PKHD1: variants seen among roughly 807,000 people sequenced by gnomAD.
The protein encoded by PKHD1 is fibrocystin.
A neutral mutation model predicts 412.0 loss-of-function variants in PKHD1; 291 were observed. That is an observed-to-expected ratio of 0.71 (90% confidence interval 0.64 to 0.78). PKHD1 has a LOEUF of 0.78. PKHD1 is among the 30% of genes least tolerant of loss of function. The pLI, the probability that PKHD1 is intolerant of heterozygous loss-of-function variation, is 0.00. For missense variants in PKHD1, 4,825 were observed against 4,950.7 expected (o/e 0.97, Z 0.76); for synonymous variants, 1,777 against 1,821.5 (o/e 0.98, Z 0.62).
chr6:52,072,394 T>C (rs1810753816), intron 7 of PKHD1, among the ~76,000 whole-genome samples: 1 of 152,174 alleles, frequency 6.6e-6, no homozygotes, highest in Non-Finnish European at 1.5e-5. Flanking sequence ...GCTTTCACAC[T>C]AAACAGAAAA....
At chr6:51,996,857 T>C (rs560559531) in intron 35 of PKHD1, among the ~76,000 whole-genome samples, 2 of 152,244 alleles carry the variant, frequency 1.3e-5, no homozygotes, top group Non-Finnish European at 2.9e-5. Context: ...ATGTCCATTC[T>C]CCAGCTTTCC....
intron 60 of PKHD1, among the ~76,000 whole-genome samples, chr6:51,672,590 A>T (rs1775186230): frequency 6.6e-6 from 1 of 152,180 alleles, no homozygotes; most frequent in Admixed American, 6.5e-5. Context: ...CTTTGGCTAT[A>T]CCCAGTAAGA....
intron 29 of PKHD1, among the ~76,000 whole-genome samples, chr6:52,031,959 C>A (rs1012925268): frequency 3.3e-5 from 5 of 152,280 alleles, no homozygotes; most frequent in African/African-American, 9.6e-5. Flanking sequence ...TTATTCTTTT[C>A]ATTACAGATA....
At chr6:51,733,225 C>A (rs1025600734) in intron 60 of PKHD1, among the ~76,000 whole-genome samples, 1 of 152,174 alleles carries the variant, frequency 6.6e-6, no homozygotes, top group East Asian at 1.9e-4. Flanking sequence ...GTATTTAATA[C>A]CACTGAACTG....
At chr6:51,938,445 TC>T (rs1787862665) in intron 36 of PKHD1, among the ~76,000 whole-genome samples, 1 of 151,418 alleles carries the variant, frequency 6.6e-6, no homozygotes, top group African/African-American at 2.4e-5. Context: ...TGAAATTCCT[TC>T]TCCTGGCTCA....
At chr6:51,762,389 G>A (rs933607335) in intron 55 of PKHD1, among the ~76,000 whole-genome samples, 1 of 152,032 alleles carries the variant, frequency 6.6e-6, no homozygotes, top group East Asian at 1.9e-4. Flanking sequence ...GCAATTTTTT[G>A]TGTCTAAATC....
At position 51,618,896 on chromosome 6, in the gene PKHD1, G is replaced by A. The variant is rs1475512294; in HGVS notation, c.*185C>T. On this transcript the variant is annotated 3_prime_UTR_variant, in exon 67 of 67. Transcript: ENST00000371117. ...ATCATGATAGCTGCAAAATATGTAT[G>A]AGACATTTTTCAGTCTGTAAGCATT... The A allele has an allele frequency of 1.6e-6, 1 of 638,762 alleles. No homozygotes were observed. Among genetic ancestry groups the A allele is most frequent in the Non-Finnish European group, 2.8e-6 (1 of 361,260 alleles). The allele number at this position is 638,762 out of a possible 1,614,324, so 39.6% of individuals were successfully genotyped here. A position where few individuals can be genotyped will look rare whatever the true frequency, so the allele number is the denominator to read the frequency against.
rs777811888 is a variant in PKHD1, at chr6:51,619,317, C to T, written c.11989G>A (p.Gly3997Arg). ...PAQQVYLQET[G>R]NWKEGQEQLL... is the part of the protein sequence containing the mutation. ...TGCTCTTGGCCCTCCTTCCAGTTCC[C>T]AGTCTCTTGCAGGTACACCTGCTGA... The change falls in exon 67 of 67, where the codon GGG becomes AGG. Residue 3997 changes from glycine to arginine, a missense_variant. Physicochemically the swap from Gly to Arg is moderately radical, Grantham distance 125. Coordinates refer to ENST00000371117, the MANE Select transcript of PKHD1 (RefSeq NM_138694.4). 3.1e-6 allele frequency: 5 copies of T among 1,614,270 alleles called. No homozygotes were observed. The highest frequency in any genetic ancestry group is 4.2e-6 in the Non-Finnish European group (5 of 1,180,048).
chr6:51,645,683 G>A (rs894168908), intron 63 of PKHD1, among the ~76,000 whole-genome samples: 6 of 152,298 alleles, frequency 3.9e-5, no homozygotes, highest in South Asian at 2.1e-4. Flanking sequence ...ACGAACCGCC[G>A]TTCCCAGCCT....
intron 48 of PKHD1, among the ~76,000 whole-genome samples, chr6:51,864,891 A>G (rs966741137): frequency 1.3e-5 from 2 of 152,118 alleles, no homozygotes; most frequent in Admixed American, 6.6e-5. Flanking sequence ...ACAAAATCCT[A>G]CTGATAATAT....
At chr6:51,693,464 C>T (rs906510034) in intron 60 of PKHD1, among the ~76,000 whole-genome samples, 3 of 152,200 alleles carry the variant, frequency 2.0e-5, no homozygotes, top group Non-Finnish European at 2.9e-5. Flanking sequence ...TGCCTGGGAC[C>T]TTGTGAAGTG....
chr6:51,899,355 G>A (rs1248003295), intron 43 of PKHD1, among the ~76,000 whole-genome samples: 1 of 151,758 alleles, frequency 6.6e-6, no homozygotes, highest in African/African-American at 2.4e-5. Flanking sequence ...TGCAAGGCTG[G>A]TTCAATATAC....
At chr6:51,882,871 G>A (rs1777596990) in intron 46 of PKHD1, among the ~76,000 whole-genome samples, 2 of 152,142 alleles carry the variant, frequency 1.3e-5, no homozygotes, top group African/African-American at 4.8e-5. Context: ...TATGACTTCT[G>A]TGATTTATCT....
At chr6:51,810,763 C>A (rs747949171) in intron 52 of PKHD1, among the ~76,000 whole-genome samples, 1 of 152,096 alleles carries the variant, frequency 6.6e-6, no homozygotes, top group Non-Finnish European at 1.5e-5. Flanking sequence ...TGGCACTGCA[C>A]GTGACAAGGG....
chr6:52,081,562 C>CA lies in PKHD1; in HGVS notation c.281+829dup, dbSNP rs34967266. Among the ~76,000 whole-genome samples, 167 of 150,094 alleles carry CA rather than the reference C, an allele frequency of 1.1e-3. 1 individual carries two copies. The highest frequency in any genetic ancestry group is 3.2e-3 in the African/African-American group (129 of 40,692). ...ACGTGCTGTACCTTTGTGTAAATTA[C>CA]AAAAAAAAAAAATCCCTTCGGGGTG... On this transcript the variant is annotated intron_variant, in intron 4 of 66. Coordinates refer to ENST00000371117, the MANE Select transcript of PKHD1 (RefSeq NM_138694.4).
chr6:52,000,983 A>C (rs546069816), intron 35 of PKHD1, among the ~76,000 whole-genome samples: 1 of 152,290 alleles, frequency 6.6e-6, no homozygotes, highest in African/African-American at 2.4e-5. Flanking sequence ...CCAATTAGAT[A>C]TATTTTTATT....
chr6:51,828,257 G>A (rs1271649703), intron 52 of PKHD1, among the ~76,000 whole-genome samples: 1 of 151,942 alleles, frequency 6.6e-6, no homozygotes, highest in African/African-American at 2.4e-5. Flanking sequence ...TTCCTGCAAA[G>A]CTTCTTTACT....
At chr6:52,008,994 A>G (rs1200986616) in intron 35 of PKHD1, among the ~76,000 whole-genome samples, 1 of 152,196 alleles carries the variant, frequency 6.6e-6, no homozygotes, top group Non-Finnish European at 1.5e-5. Context: ...AGGCTTAAAG[A>G]TCACCCAGTG....
At chr6:51,834,409 T>TATGTGCAC (rs1235151634) in intron 51 of PKHD1, among the ~76,000 whole-genome samples, 1 of 152,118 alleles carries the variant, frequency 6.6e-6, no homozygotes, top group Non-Finnish European at 1.5e-5. Flanking sequence ...CCATGGACAA[T>TATGTGCAC]ATGTGCACTT....
Sources: allele counts gnomAD v4.1 joint callset (sites outside exome capture counted in the v4.1 genomes callset), GRCh38; gene constraint gnomAD v4.1.1; transcripts MANE v1.5; gene names NCBI Gene and HGNC (gene_info 2026-07-23, HGNC 2026-07-21).